ZIM2: variants seen among roughly 807,000 people sequenced by gnomAD.
ZIM2 encodes zinc finger protein 656.
In ZIM2, 14 loss-of-function variants were observed where a neutral mutation model predicts 38.6. That is an observed-to-expected ratio of 0.36 (90% CI 0.24 to 0.57). The LOEUF is 0.57. Among genes scored for constraint, ZIM2 ranks in the 20% least tolerant of loss-of-function variants. The pLI is 0.81. For synonymous variants in ZIM2, 247 were observed against 245.8 expected (o/e 1.00, Z -0.04); for missense variants, 680 against 695.1 (o/e 0.98, Z 0.24).
At chr19:56,813,269 A>T in intron 9 of ZIM2, 1 of 957,712 alleles carries the variant, frequency 1.0e-6, no homozygotes, top group Non-Finnish European at 1.2e-6. Flanking sequence ...ACTGTATATC[A>T]TATAAATCCA....
intron 10 of ZIM2, among the ~76,000 whole-genome samples, chr19:56,785,408 T>A (rs1231578826): frequency 6.6e-6 from 1 of 152,102 alleles, no homozygotes; most frequent in Non-Finnish European, 1.5e-5. Flanking sequence ...TCTTTATACG[T>A]CATTTTTTCT....
At chr19:56,799,494 A>C (rs1186540061) in intron 9 of ZIM2, 1 of 152,196 alleles carries the variant, frequency 6.6e-6, no homozygotes, top group Non-Finnish European at 1.5e-5. Flanking sequence ...TAGCTAATGC[A>C]TGCTGGGCTT....
chr19:56,801,581 A>G (rs2047528184), intron 9 of ZIM2, among the ~76,000 whole-genome samples: 1 of 152,206 alleles, frequency 6.6e-6, no homozygotes, highest in South Asian at 2.1e-4. Context: ...CATTCAGAAT[A>G]GTTTCAGACC....
chr19:56,829,734 C>T (rs2061404731), intron 2 of ZIM2, among the ~76,000 whole-genome samples: 1 of 152,248 alleles, frequency 6.6e-6, no homozygotes, highest in Non-Finnish European at 1.5e-5. Context: ...GGGCAACTAG[C>T]AGTGGGGCCA....
intron 5 of ZIM2, among the ~76,000 whole-genome samples, chr19:56,823,199 G>A (rs913153540): frequency 5.3e-5 from 8 of 151,944 alleles, no homozygotes; most frequent in African/African-American, 1.9e-4. Context: ...TAAAGTACAC[G>A]TTATTCTACT....
chr19:56,837,345 A>T (rs1388547840), intron 1 of ZIM2, among the ~76,000 whole-genome samples: 2 of 152,142 alleles, frequency 1.3e-5, no homozygotes, highest in Admixed American at 6.5e-5. Context: ...TTCCACCTCC[A>T]GCTGTACGAT....
chr19:56,775,760 T>A (rs900422853), intron 12 of ZIM2, among the ~76,000 whole-genome samples: 1 of 151,818 alleles, frequency 6.6e-6, no homozygotes, highest in African/African-American at 2.4e-5. Context: ...TTATGGAGGT[T>A]GAGAGAGTTT....
intron 2 of ZIM2, among the ~76,000 whole-genome samples, chr19:56,834,099 G>A (rs1282175296): frequency 6.6e-6 from 1 of 152,150 alleles, no homozygotes; most frequent in Non-Finnish European, 1.5e-5. Context: ...GAGACAAAAT[G>A]TCTTCCAGAA....
rs1204456075 is a variant in ZIM2, at chr19:56,782,001, G to A, written c.691C>T (p.Leu231Phe). 6 of 1,613,776 alleles carry A rather than the reference G, an allele frequency of 3.7e-6. No homozygotes were observed. In the Admixed American group the frequency reaches 1.0e-4, roughly 27 times the overall value. The stretch of plus-strand genomic sequence containing the variant: ...TTCTCCAGCATCACCTCCCTGTAGA[G>A]GTTTCTCTGAGCAGCACTAAGGGAA... ...LSSLSAAQRN[L>F]YREVMLENYR... Residue 231 changes from leucine (L) to phenylalanine (F), a missense_variant, in exon 11 of 13, where the codon CTC (leucine) becomes TTC (phenylalanine). Transcript: ENST00000629319.
At chr19:56,806,751 T>C (rs1812837292) in intron 9 of ZIM2, among the ~76,000 whole-genome samples, 2 of 152,188 alleles carry the variant, frequency 1.3e-5, no homozygotes, top group Admixed American at 6.5e-5. Flanking sequence ...GATTAGGTCA[T>C]GAGGGCTAAG....
At chr19:56,838,336 G>T (rs1429099720) in intron 1 of ZIM2, among the ~76,000 whole-genome samples, 1 of 152,184 alleles carries the variant, frequency 6.6e-6, no homozygotes, top group Non-Finnish European at 1.5e-5. Flanking sequence ...TCAAGATGGC[G>T]CCTGCGCAAT....
intron 9 of ZIM2, among the ~76,000 whole-genome samples, chr19:56,806,574 A>C (rs2047766590): frequency 6.6e-6 from 1 of 152,218 alleles, no homozygotes. Context: ...CCACATAACC[A>C]GTCAACATTT....
chr19:56,775,104 T>C lies in ZIM2; in HGVS notation c.1261A>G (p.Arg421Gly), dbSNP rs772754373. 2.7e-5 allele frequency: 43 copies of C among 1,614,052 alleles called. No homozygotes were observed. In the East Asian group the frequency reaches 9.1e-4, roughly 34 times the overall value. The change falls in exon 13 of 13, where the codon AGA becomes GGA. Residue 421 changes from arginine to glycine, a missense_variant. Transcript: ENST00000629319. ...TTCGCACACTGGACGGAAGGCTTTC[T>C]ACCTTCATTGCAGCCAGAAGTCTTC... ...GRKTSGCNEGRKPSVQCANLC... is the reference protein window; with the variant it reads ...GRKTSGCNEGGKPSVQCANLC...
intron 12 of ZIM2, among the ~76,000 whole-genome samples, 167 bp downstream of exon 12, chr19:56,779,210 C>T (rs1019127531): frequency 6.6e-6 from 1 of 152,062 alleles, no homozygotes; most frequent in Non-Finnish European, 1.5e-5. Flanking sequence ...AGGAGAGGAG[C>T]TCATGCTGCA....
chr19:56,777,992 G>C (rs1436144995), intron 12 of ZIM2, among the ~76,000 whole-genome samples: 1 of 152,058 alleles, frequency 6.6e-6, no homozygotes, highest in Non-Finnish European at 1.5e-5. Flanking sequence ...CGCTCTGCCT[G>C]TAACACTCTT....
At chr19:56,836,346 A>C (rs184033977) in intron 1 of ZIM2, among the ~76,000 whole-genome samples, 18 of 152,262 alleles carry the variant, frequency 1.2e-4, no homozygotes, top group Admixed American at 5.9e-4. Context: ...CATTCAAGTC[A>C]ATTTCTGGGG....
In ZIM2 at chr19:56,801,209, T is replaced by A. The variant is rs559923099; in HGVS notation, c.491-11258A>T. Among the ~76,000 whole-genome samples, 276 of 152,286 alleles carry A rather than the reference T, an allele frequency of 1.8e-3. 2 individuals are homozygous for A. Among genetic ancestry groups the A allele is most frequent in the African/African-American group, 6.1e-3 (252 of 41,562 alleles). On this transcript the variant is annotated intron_variant, in intron 9 of 12. Transcript: ENST00000629319. ...CCTCGCCCTCCCAAAGTGCTGGGAT[T>A]ACAGGTGTGAGCCACCTCTCCCGGT...
At chr19:56,804,795 C>T (rs2047680330) in intron 9 of ZIM2, among the ~76,000 whole-genome samples, 1 of 152,188 alleles carries the variant, frequency 6.6e-6, no homozygotes, top group African/African-American at 2.4e-5. Context: ...ACAAGTAATG[C>T]ACTCACTTAA....
intron 9 of ZIM2, among the ~76,000 whole-genome samples, chr19:56,807,833 G>T (rs1346489094): frequency 6.6e-6 from 1 of 152,026 alleles, no homozygotes; most frequent in Non-Finnish European, 1.5e-5. Context: ...ATTTGTGCTA[G>T]AATTCTCTGC....
Sources: gnomAD v4.1 joint callset for allele counts (sites outside exome capture counted in the v4.1 genomes callset) on GRCh38, gnomAD v4.1.1 for gene constraint, MANE v1.5 for transcripts, NCBI Gene and HGNC (gene_info 2026-07-23, HGNC 2026-07-21) for gene names.